The following CELF1 variants were observed in gnomAD, a reference collection of about 807,000 sequenced individuals.
CELF1 encodes 50 kDa nuclear polyadenylated RNA-binding protein.
A neutral mutation model predicts 61.8 loss-of-function variants in CELF1; 10 were observed. The observed-to-expected ratio is 0.16, with a 90% CI of 0.10 to 0.27. The LOEUF (loss-of-function observed/expected upper bound fraction) is 0.27, where lower values mean the gene tolerates loss of function less well. CELF1 is among the 10% of genes least tolerant of loss of function. CELF1 has a pLI of 1.00. For synonymous variants in CELF1, 236 were observed against 225.1 expected, an observed-to-expected ratio of 1.05 and a Z score of -0.43; for missense variants, 380 against 639.1, an observed-to-expected ratio of 0.59 and a Z score of 4.37.
chr11:47,514,692 CAAAAAAA>C (rs34636337), intron 1 of CELF1, among the ~76,000 whole-genome samples: 2 of 106,100 alleles, frequency 1.9e-5, no homozygotes, highest in African/African-American at 3.9e-5. Flanking sequence ...CCTATCTCTA[CAAAAAAA>C]AAAAAAAAAA....
intron 1 of CELF1, among the ~76,000 whole-genome samples, chr11:47,528,038 G>A (rs1160416218): frequency 1.3e-5 from 2 of 152,194 alleles, no homozygotes; most frequent in African/African-American, 4.8e-5. Context: ...GGAGGTTGCA[G>A]TGAGCCAGGA....
At chr11:47,548,865 C>CAAAAAAAA (rs35634201) in intron 1 of CELF1, among the ~76,000 whole-genome samples, 1 of 83,622 alleles carries the variant, frequency 1.2e-5, no homozygotes, top group Non-Finnish European at 2.3e-5. Context: ...GACTCCATCT[C>CAAAAAAAA]AAAAAAAAAA....
intron 7 of CELF1, 63 bp from the exon 8 acceptor site, chr11:47,483,595 C>T: frequency 8.1e-7 from 1 of 1,229,952 alleles, no homozygotes; most frequent in Non-Finnish European, 1.2e-6. Context: ...ATTAACTGAG[C>T]ACCTACTATG....
In CELF1 at chr11:47,504,323, C is replaced by T. The variant is rs185746596; in HGVS notation, c.-153-3391G>A. Among the ~76,000 whole-genome samples the T allele has an allele frequency of 1.4e-4, 22 of 152,152 alleles. No homozygotes were observed. The South Asian group carries it at 2.7e-3, about 19-fold the overall frequency. On this transcript the variant is annotated intron_variant, in intron 1 of 14. Coordinates refer to ENST00000687097, the MANE Select transcript of CELF1 (RefSeq NM_001376376.1). ...TTTTCTGGCTGGGCACAGTGGGAAA[C>T]GCCTGTAATCCCAGCACTTTGGGAG... is the stretch of plus-strand genomic sequence containing the variant.
intron 2 of CELF1, among the ~76,000 whole-genome samples, chr11:47,564,171 CAA>C (rs779009192): frequency 7.9e-5 from 5 of 62,940 alleles, no homozygotes; most frequent in African/African-American, 1.2e-4. Flanking sequence ...ACTAAAAATA[CAA>C]AAAAAAAAAA....
Position 47,478,918 on chromosome 11 carries a change from G to A in CELF1, c.803C>T (p.Ser268Phe). The change falls in exon 10 of 15, where the codon TCT becomes TTT. Residue 268 changes from serine (S) to phenylalanine (F), a missense_variant. Coordinates refer to ENST00000687097, the MANE Select transcript of CELF1 (RefSeq NM_001376376.1). ...YLQLLQQTAS[S>F]GNLNTLSSLH... ...GCTGCTCAGGGTGTTGAGGTTCCCA[G>A]AGGAGGCAGTCTGCTGAAGGAGCTG... The A allele has an allele frequency of 6.2e-7, 1 of 1,613,360 alleles. No individual in the cohort carries two copies. The highest frequency in any genetic ancestry group is 8.5e-7 in the Non-Finnish European group (1 of 1,179,702).
intron 1 of CELF1, among the ~76,000 whole-genome samples, chr11:47,548,069 G>A (rs2097024610): frequency 6.6e-6 from 1 of 152,168 alleles, no homozygotes; most frequent in African/African-American, 2.4e-5. Context: ...GGGAGGCTGA[G>A]GCAGGTGGAT....
intron 6 of CELF1, among the ~76,000 whole-genome samples, chr11:47,485,268 C>T (rs150860787): frequency 1.3e-5 from 2 of 151,244 alleles, no homozygotes; most frequent in East Asian, 4.0e-4. Context: ...ACAGCCTTGA[C>T]CTGCCGGGTT....
chr11:47,489,932 C>CTTCTTTTTTTTTTTTTTTTTTT (rs530410346), intron 3 of CELF1, among the ~76,000 whole-genome samples: 1 of 23,478 alleles, frequency 4.3e-5, no homozygotes, highest in South Asian at 1.2e-3. Context: ...AACATACCAT[C>CTTCTTTTTTTTTTTTTTTTTTT]TTGTTTTTTT....
In CELF1 at chr11:47,469,841, G is replaced by C. The variant is rs1206047387; in HGVS notation, c.*2389C>G. ...GTCATTAGGAAAGGGGTTTCATAAG[G>C]TCCCAGAGCCCAGGACAAATCCATG... On this transcript the variant is annotated 3_prime_UTR_variant, in exon 15 of 15. Coordinates refer to ENST00000687097, the MANE Select transcript of CELF1 (RefSeq NM_001376376.1). The C allele has an allele frequency of 6.6e-6, 1 of 152,228 alleles. No homozygotes were observed. The highest frequency in any genetic ancestry group is 1.5e-5 in the Non-Finnish European group (1 of 68,088). The allele number at this position is 152,228 out of a possible 1,614,324, so 9.4% of individuals were successfully genotyped here. A position where few individuals can be genotyped will look rare whatever the true frequency, so the allele number is the denominator to read the frequency against.
At chr11:47,565,527 T>C, upstream of CELF1, 1 of 1,080,564 alleles carries the variant, frequency 9.3e-7, no homozygotes, top group Non-Finnish European at 1.2e-6. Flanking sequence ...AGAGGCCTAG[T>C]GCAGCTGGCA....
chr11:47,545,865 G>GTC (rs1162225875), intron 1 of CELF1, among the ~76,000 whole-genome samples: 2 of 61,646 alleles, frequency 3.2e-5, no homozygotes, highest in Non-Finnish European at 7.7e-5. Context: ...GTGTGTGTGT[G>GTC]TCTGCGTGTG....
intron 1 of CELF1, 31 bp downstream of exon 1, chr11:47,552,961 C>T: frequency 2.5e-6 from 1 of 397,808 alleles, no homozygotes; most frequent in Non-Finnish European, 4.4e-6. Context: ...CTCCCTCCCG[C>T]GGCCCGTTAT....
Position 47,486,948 on chromosome 11 carries a change from A to T in CELF1, c.343-150T>A, listed in dbSNP as rs2087719981. The T allele has an allele frequency of 4.1e-6, 3 of 739,686 alleles. No individual in the cohort carries two copies. The Admixed American group carries it at 7.3e-5, about 18-fold the overall frequency. 45.8% of individuals were successfully genotyped at this position (739,686 alleles called of 1,614,324 possible). A position where few individuals can be genotyped will look rare whatever the true frequency, so the allele number is the denominator to read the frequency against. ...ATCTTTCCCCAGAAAACAGAATGTG[A>T]GTCAAGAAGTCAAAATACACAAGAC... is the stretch of plus-strand genomic sequence containing the variant. On this transcript the variant is annotated intron_variant, in intron 5 of 14. Coordinates refer to ENST00000687097, the MANE Select transcript of CELF1 (RefSeq NM_001376376.1).
intron 5 of CELF1, 148 bp from the exon 6 acceptor site, chr11:47,486,946 T>A (rs2087715599): frequency 2.6e-6 from 2 of 758,844 alleles, no homozygotes; most frequent in African/African-American, 1.8e-5. Context: ...AAACAGAATG[T>A]GAGTCAAGAA....
At chr11:47,495,886 C>T (rs1351647178) in intron 3 of CELF1, 1 of 607,824 alleles carries the variant, frequency 1.6e-6, no homozygotes, top group Non-Finnish European at 2.1e-6. Flanking sequence ...CTCCCCCTTT[C>T]TCATTACCTG....
chr11:47,507,288 TAA>T (rs1434176856), intron 1 of CELF1, among the ~76,000 whole-genome samples: 1 of 152,216 alleles, frequency 6.6e-6, no homozygotes, highest in Non-Finnish European at 1.5e-5. Flanking sequence ...AATGGCTGTA[TAA>T]TTCTTTTAGC....
At chr11:47,519,730 G>A (rs906854584) in intron 1 of CELF1, among the ~76,000 whole-genome samples, 16 of 152,000 alleles carry the variant, frequency 1.1e-4, no homozygotes, top group African/African-American at 3.6e-4. Flanking sequence ...GGGCGTGGTC[G>A]TGGGCGCCTG....
At chr11:47,546,307 C>A (rs934288178) in intron 1 of CELF1, among the ~76,000 whole-genome samples, 1 of 150,296 alleles carries the variant, frequency 6.7e-6, no homozygotes, top group African/African-American at 2.5e-5. Flanking sequence ...GCTCTTGTAG[C>A]CCAGGCTGGA....
Sources: gnomAD v4.1 joint callset for allele counts (sites outside exome capture counted in the v4.1 genomes callset) on GRCh38, gnomAD v4.1.1 for gene constraint, MANE v1.5 for transcripts, NCBI Gene and HGNC (gene_info 2026-07-23, HGNC 2026-07-21) for gene names.